The following LOXHD1 variants were observed in gnomAD, a reference collection of about 807,000 sequenced individuals.
LOXHD1 encodes the protein lipoxygenase homology PLAT domains 1, also known as lipoxygenase homology domain-containing protein 1.
Under a neutral mutation model 248.2 loss-of-function variants are expected in LOXHD1, and 205 were observed. The ratio of observed to expected loss-of-function variants is 0.83; its 90% CI spans 0.74 to 0.93. The LOEUF is 0.93. Ranked by LOEUF, LOXHD1 falls within the 40% of genes least tolerant of loss-of-function variation. The probability of loss-of-function intolerance (pLI) is 0.00; values close to 1 mark genes in which losing one functional copy is unlikely to be tolerated. For synonymous variants in LOXHD1, 1,113 were observed against 1,162.8 expected (o/e 0.96, Z 0.87); for missense variants, 2,930 against 2,971.6 (o/e 0.99, Z 0.33).
chr18:46,603,461 G>A (rs35940808), intron 7 of LOXHD1, among the ~76,000 whole-genome samples: 10,156 of 152,106 alleles, frequency 0.067, 359 homozygotes, highest in Middle Eastern at 0.14. Context: ...GTGAGTCATG[G>A]GAGTTCTGCT....
chr18:46,516,053 A>C (rs1461744797), intron 34 of LOXHD1, among the ~76,000 whole-genome samples: 3 of 152,236 alleles, frequency 2.0e-5, no homozygotes, highest in Non-Finnish European at 4.4e-5. Flanking sequence ...AATCTCTACC[A>C]AACCAAGTGA....
At chr18:46,550,775 A>G (rs1273955123) in intron 21 of LOXHD1, among the ~76,000 whole-genome samples, 1 of 152,156 alleles carries the variant, frequency 6.6e-6, no homozygotes, top group East Asian at 1.9e-4. Context: ...GTGTTAGGCC[A>G]CTGGCATTTT....
chr18:46,543,465 C>T (rs973609402), intron 23 of LOXHD1, among the ~76,000 whole-genome samples: 16 of 151,982 alleles, frequency 1.1e-4, no homozygotes, highest in Non-Finnish European at 2.4e-4. Context: ...ACGTGCAGAA[C>T]ATGAGGTTTT....
At chr18:46,530,850 C>G (rs1200162478) in intron 28 of LOXHD1, among the ~76,000 whole-genome samples, 1 of 152,074 alleles carries the variant, frequency 6.6e-6, no homozygotes, top group Non-Finnish European at 1.5e-5. Flanking sequence ...AATCTTCCAC[C>G]CATGCCTTGG....
At chr18:46,540,237 G>A (rs2036499300) in intron 25 of LOXHD1, among the ~76,000 whole-genome samples, 1 of 152,144 alleles carries the variant, frequency 6.6e-6, no homozygotes, top group Non-Finnish European at 1.5e-5. Flanking sequence ...AGCGTGCATT[G>A]CCAGCCTCTA....
intron 21 of LOXHD1, among the ~76,000 whole-genome samples, chr18:46,556,989 T>C (rs930902688): frequency 2.1e-5 from 3 of 141,610 alleles, no homozygotes; most frequent in African/African-American, 8.1e-5. Context: ...TCACCCACTC[T>C]CATTTTCAGA....
intron 25 of LOXHD1, among the ~76,000 whole-genome samples, chr18:46,540,691 C>T (rs1032788505): frequency 1.0e-3 from 116 of 115,962 alleles, no homozygotes; most frequent in African/African-American, 3.5e-3. Context: ...ATGGCATGTC[C>T]TAGGGCATGT....
At chr18:46,609,949 C>A (rs76546524) in intron 6 of LOXHD1, among the ~76,000 whole-genome samples, 10,995 of 152,230 alleles carry the variant, frequency 0.072, 509 homozygotes, top group Non-Finnish European at 0.11. Context: ...TGCTCAGGAG[C>A]CTTTTTGCTT....
At chr18:46,485,199 C>T (rs1038581746) in intron 38 of LOXHD1, 48 bp from the exon 39 acceptor site, 57 of 1,524,568 alleles carry the variant, frequency 3.7e-5, no homozygotes, top group Admixed American at 2.6e-4. Context: ...AAGCAGTGCC[C>T]GTCTTCAGGG....
chr18:46,618,370 C>A (rs2038620382), intron 4 of LOXHD1, 80 bp from the exon 5 acceptor site: 1 of 874,638 alleles, frequency 1.1e-6, no homozygotes, highest in South Asian at 1.5e-5. Flanking sequence ...GCTACCACAC[C>A]ATCTACACTT....
chr18:46,567,296 G>A (rs139674398), intron 16 of LOXHD1, among the ~76,000 whole-genome samples: 1 of 152,340 alleles, frequency 6.6e-6, no homozygotes, highest in African/African-American at 2.4e-5. Flanking sequence ...CATGAGTCTG[G>A]TGCCAAAAGG....
intron 16 of LOXHD1, 58 bp downstream of exon 16, chr18:46,569,384 G>A (rs1349482502): frequency 7.1e-7 from 1 of 1,399,482 alleles, no homozygotes; most frequent in Non-Finnish European, 9.9e-7. Flanking sequence ...GGACACGTGT[G>A]AATGTGTGTT....
intron 3 of LOXHD1, among the ~76,000 whole-genome samples, chr18:46,641,402 T>G (rs1317541668): frequency 1.3e-5 from 2 of 152,102 alleles, no homozygotes; most frequent in African/African-American, 2.4e-5. Flanking sequence ...TAGTAATCTC[T>G]CCTTATACCT....
In LOXHD1 at chr18:46,656,920, C is replaced by CAAG. The variant is rs1288235082; in HGVS notation, c.113_114insCTT (p.Glu38delinsAspLeu). 1 of 1,551,472 alleles carries CAAG rather than the reference C, an allele frequency of 6.4e-7. No individual in the cohort carries two copies. The highest frequency in any genetic ancestry group is 8.7e-7 in the Non-Finnish European group (1 of 1,146,922). On this transcript the variant is annotated protein_altering_variant, in exon 1 of 41. Transcript: ENST00000642948. ...ACCCCGCACCTCTGGCCTTGTAGTA[C>CAAG]TCGTGTTCCAGCTCCCCCTCGTCGT...
At position 46,626,946 on chromosome 18, in the gene LOXHD1, T is replaced by C. The variant is rs1159858868; in HGVS notation, c.512-8656A>G. On this transcript the variant is annotated intron_variant, in intron 4 of 40. Coordinates refer to ENST00000642948, the MANE Select transcript of LOXHD1 (RefSeq NM_001384474.1). ...ATTAAGATTAATAGTTTGTTGAGAATGATGACAGCCATTGAGTAAGTGCTG... is the reference window on the plus strand; with the variant it reads ...ATTAAGATTAATAGTTTGTTGAGAACGATGACAGCCATTGAGTAAGTGCTG... Among the ~76,000 whole-genome samples the C allele has an allele frequency of 2.6e-5, 4 of 152,240 alleles. No homozygotes were observed. In the East Asian group the frequency reaches 7.7e-4, roughly 29 times the overall value.
chr18:46,616,569 T>C (rs2038590780), intron 5 of LOXHD1, among the ~76,000 whole-genome samples: 1 of 152,220 alleles, frequency 6.6e-6, no homozygotes, highest in South Asian at 2.1e-4. Flanking sequence ...TGCTCACCTT[T>C]GTTTCTTGTA....
At chr18:46,610,572 T>C (rs1160913350) in intron 6 of LOXHD1, among the ~76,000 whole-genome samples, 1 of 151,918 alleles carries the variant, frequency 6.6e-6, no homozygotes, top group African/African-American at 2.4e-5. Context: ...AAAGAGAAAG[T>C]ACTGGACTTC....
In LOXHD1 at chr18:46,592,556, T is replaced by A. The variant is rs1309696203; in HGVS notation, c.1460A>T (p.Tyr487Phe). 6.4e-7 allele frequency: 1 copy of A among 1,551,466 alleles called. No individual in the cohort carries two copies. Among genetic ancestry groups the A allele is most frequent in the African/African-American group, 1.4e-5 (1 of 73,020 alleles). The change falls in exon 11 of 41, where the codon TAT (tyrosine) becomes TTT (phenylalanine). Residue 487 changes from tyrosine to phenylalanine, a missense_variant. Transcript: ENST00000642948. ...RIELPDLGRF[Y>F]KIRVWHDKRS... is the part of the protein sequence containing the mutation. ...TTTATCATGCCATACTCGAATCTTA[T>A]AAAACCTGCCAAGATCCGGGAGCTC...
At chr18:46,572,770 C>T (rs2037778499) in intron 14 of LOXHD1, among the ~76,000 whole-genome samples, 2 of 151,972 alleles carry the variant, frequency 1.3e-5, no homozygotes, top group South Asian at 2.1e-4. Flanking sequence ...CGGCAGCCTG[C>T]TTAAGAAGAC....
Sources: gnomAD v4.1 joint callset for allele counts (sites outside exome capture counted in the v4.1 genomes callset) on GRCh38, gnomAD v4.1.1 for gene constraint, MANE v1.5 for transcripts, NCBI Gene and HGNC (gene_info 2026-07-23, HGNC 2026-07-21) for gene names.